The following MREG variants were observed in gnomAD, a reference collection of about 807,000 sequenced individuals.
MREG encodes dilute suppressor protein homolog.
MREG carries 31 observed loss-of-function variants against 28.5 expected under a neutral mutation model. The observed-to-expected ratio is 1.09, with a 90% CI of 0.82 to 1.47. The LOEUF is 1.47. Among genes scored for constraint, MREG ranks in the 40% most tolerant of loss-of-function variants. The pLI, the probability that MREG is intolerant of heterozygous loss-of-function variation, is 0.00. For missense variants in MREG, 256 were observed against 257.4 expected, an observed-to-expected ratio of 0.99 and a Z score of 0.04; for synonymous variants, 106 against 95.2, an observed-to-expected ratio of 1.11 and a Z score of -0.66.
At chr2:216,005,174 C>A (rs1395088850) in intron 1 of MREG, among the ~76,000 whole-genome samples, 1 of 152,038 alleles carries the variant, frequency 6.6e-6, no homozygotes, top group East Asian at 1.9e-4. Context: ...GGAATACAGT[C>A]TAAAGCAATA....
At chr2:215,987,899 G>T (rs184362151) in intron 2 of MREG, among the ~76,000 whole-genome samples, 60 of 151,764 alleles carry the variant, frequency 4.0e-4, no homozygotes, top group African/African-American at 1.3e-3. Flanking sequence ...GTGAAACTCC[G>T]TCTCAAAATA....
chr2:215,960,338 C>T (rs1050064943), intron 2 of MREG, among the ~76,000 whole-genome samples: 3 of 152,208 alleles, frequency 2.0e-5, no homozygotes, highest in African/African-American at 7.2e-5. Context: ...CCGGGATTCG[C>T]CCAGGTCCTA....
At chr2:215,975,942 C>T (rs778042909) in intron 2 of MREG, among the ~76,000 whole-genome samples, 6 of 152,008 alleles carry the variant, frequency 3.9e-5, no homozygotes, top group Non-Finnish European at 8.8e-5. Context: ...AAAAAGTAGC[C>T]GGGCATGGTG....
At chr2:215,973,551 G>T (rs897766918) in intron 2 of MREG, among the ~76,000 whole-genome samples, 3 of 152,150 alleles carry the variant, frequency 2.0e-5, no homozygotes, top group Non-Finnish European at 4.4e-5. Context: ...CTGGGAAAGA[G>T]ATTGGAGCAA....
chr2:215,978,306 A>T (rs1425135065), intron 2 of MREG, among the ~76,000 whole-genome samples: 1 of 152,248 alleles, frequency 6.6e-6, no homozygotes, highest in Non-Finnish European at 1.5e-5. Flanking sequence ...ATTCCTGGAC[A>T]CATACACCCT....
At chr2:215,975,008 T>TTATATATATATATATATATATATATA (rs58937716) in intron 2 of MREG, among the ~76,000 whole-genome samples, 2,795 of 105,722 alleles carry the variant, frequency 0.026, 172 homozygotes, top group Non-Finnish European at 0.034. Flanking sequence ...TTTATATGAA[T>TTATATATATATATATATATATATATA]TATATATATA....
chr2:216,013,451 G>T lies in MREG; in HGVS notation c.-124C>A. 4.0e-6 allele frequency: 2 copies of T among 499,510 alleles called. No individual in the cohort carries two copies. The highest frequency in any genetic ancestry group is 5.7e-6 in the Non-Finnish European group (2 of 348,876). The allele number at this position is 499,510 out of a possible 1,614,324, so 30.9% of individuals were successfully genotyped here. On this transcript the variant is annotated 5_prime_UTR_variant, in exon 1 of 5. Transcript: ENST00000263268. ...CGGGGACAGCGGCAGCCCGGGCGTC[G>T]CGGGCTGGTCCGCGCGCATCACGCC...
chr2:215,998,809 C>CTGT (rs1249142417), intron 1 of MREG, among the ~76,000 whole-genome samples: 2 of 152,200 alleles, frequency 1.3e-5, no homozygotes, highest in African/African-American at 4.8e-5. Flanking sequence ...TAAATGCCTG[C>CTGT]TGTATACTGA....
At chr2:215,942,160 G>A (rs1692205474), downstream of MREG, among the ~76,000 whole-genome samples, 1 of 152,080 alleles carries the variant, frequency 6.6e-6, no homozygotes, top group Admixed American at 6.6e-5. Flanking sequence ...TTCTCCTGGT[G>A]CATTTTAAAA....
chr2:216,033,393 A>G (rs1370705823), upstream of MREG, among the ~76,000 whole-genome samples: 3 of 152,144 alleles, frequency 2.0e-5, no homozygotes, highest in Non-Finnish European at 4.4e-5. Flanking sequence ...AGAGCGAGTA[A>G]GTGGTAGAAG....
chr2:216,019,379 G>C (rs1694489703), intron 1 of MREG, among the ~76,000 whole-genome samples: 1 of 152,110 alleles, frequency 6.6e-6, no homozygotes, highest in Non-Finnish European at 1.5e-5. Context: ...AGTCAGGTGA[G>C]ATTTTTATTT....
At chr2:216,014,602 TC>T (rs1358018057), upstream of MREG, among the ~76,000 whole-genome samples, 1 of 149,788 alleles carries the variant, frequency 6.7e-6, no homozygotes, top group Non-Finnish European at 1.5e-5. Flanking sequence ...TGAGCCGAGA[TC>T]ACGCCACTGC....
Position 215,996,436 on chromosome 2 carries a change from G to C in MREG, c.125C>G (p.Ala42Gly). The C allele has an allele frequency of 6.2e-7, 1 of 1,613,052 alleles. No individual in the cohort carries two copies. The highest frequency in any genetic ancestry group is 8.5e-7 in the Non-Finnish European group (1 of 1,179,400). Residue 42 changes from alanine (A) to glycine (G), a missense_variant, in exon 2 of 5, where the codon GCA (alanine) becomes GGA (glycine). By Grantham distance (60) the Ala-to-Gly change is moderately conservative. Transcript: ENST00000263268. The part of the protein sequence containing the change: ...SDNNPYSSFG[A>G]TLVRDDEKNL... ...CTTCTCATCATCCCTCACCAGAGTT[G>C]CTCCAAATGAGGAATATGGATTGTT...
chr2:216,026,656 T>C (rs999510553), intron 1 of MREG, among the ~76,000 whole-genome samples: 4 of 152,128 alleles, frequency 2.6e-5, no homozygotes, highest in Non-Finnish European at 5.9e-5. Context: ...CCACCACAAC[T>C]GGCTAAACTG....
At chr2:215,940,998 G>A (rs533761660), downstream of MREG, among the ~76,000 whole-genome samples, 2 of 152,286 alleles carry the variant, frequency 1.3e-5, no homozygotes, top group African/African-American at 4.8e-5. Flanking sequence ...GTCTATTCTA[G>A]CCAAGGTTTC....
chr2:215,953,981 C>A (rs935131609), intron 2 of MREG, among the ~76,000 whole-genome samples: 1 of 152,188 alleles, frequency 6.6e-6, no homozygotes, highest in Admixed American at 6.5e-5. Flanking sequence ...ATGGCTCTGC[C>A]CAGATCCCAA....
chr2:215,978,388 T>G (rs1693315322), intron 2 of MREG, among the ~76,000 whole-genome samples: 2 of 152,196 alleles, frequency 1.3e-5, no homozygotes, highest in Non-Finnish European at 2.9e-5. Context: ...GAGGCAATCA[T>G]TAATAGCTTA....
At chr2:215,963,235 G>A (rs1455364760) in intron 2 of MREG, among the ~76,000 whole-genome samples, 1 of 152,040 alleles carries the variant, frequency 6.6e-6, no homozygotes, top group African/African-American at 2.4e-5. Context: ...CGAGGCGGAT[G>A]GATCACTTGA....
downstream of MREG, among the ~76,000 whole-genome samples, chr2:215,942,006 C>G (rs1692203652): frequency 6.6e-6 from 1 of 152,196 alleles, no homozygotes; most frequent in African/African-American, 2.4e-5. Context: ...TGCCCTCTCA[C>G]CAATGCATTC....
Sources: allele counts gnomAD v4.1 joint callset (sites outside exome capture counted in the v4.1 genomes callset), GRCh38; gene constraint gnomAD v4.1.1; transcripts MANE v1.5; gene names NCBI Gene and HGNC (gene_info 2026-07-23, HGNC 2026-07-21).